The following SH3BP4 variants were observed in gnomAD, a reference collection of about 807,000 sequenced individuals.
SH3BP4 encodes SH3 domain-binding protein 4.
In SH3BP4, 33 loss-of-function variants were observed where a neutral mutation model predicts 65.5. That is an observed-to-expected ratio of 0.50 (90% CI 0.38 to 0.67). The LOEUF is 0.67. Ranked by LOEUF, SH3BP4 falls within the 30% of genes least tolerant of loss-of-function variation. The pLI is 0.00. For synonymous variants in SH3BP4, 552 were observed against 545.5 expected (o/e 1.01, Z -0.17); for missense variants, 1,134 against 1,261.4 (o/e 0.90, Z 1.53).
At chr2:235,024,592 C>T (rs1694941179) in intron 2 of SH3BP4, among the ~76,000 whole-genome samples, 2 of 152,148 alleles carry the variant, frequency 1.3e-5, no homozygotes. Context: ...TCAGATCCAG[C>T]ATTTTCATCA....
intron 2 of SH3BP4, among the ~76,000 whole-genome samples, chr2:235,027,217 G>T (rs551803101): frequency 6.6e-6 from 1 of 152,370 alleles, no homozygotes; most frequent in East Asian, 1.9e-4. Context: ...CAGACCAGTC[G>T]GATCAGGACT....
chr2:234,986,057 A>G (rs574911142), intron 1 of SH3BP4, among the ~76,000 whole-genome samples: 5 of 150,576 alleles, frequency 3.3e-5, no homozygotes, highest in African/African-American at 9.9e-5. Context: ...ATATACACCT[A>G]TGAGCTCAGG....
At chr2:235,012,145 C>A (rs559197487) in intron 2 of SH3BP4, among the ~76,000 whole-genome samples, 1 of 152,196 alleles carries the variant, frequency 6.6e-6, no homozygotes, top group Non-Finnish European at 1.5e-5. Flanking sequence ...TGTTACGGGG[C>A]GCTGACAGTG....
rs1201910769 is a variant in SH3BP4, at chr2:235,034,834, T to C, written c.-132-37T>C. The C allele has an allele frequency of 1.7e-6, 1 of 599,810 alleles. No homozygotes were observed. Among genetic ancestry groups the C allele is most frequent in the African/African-American group, 1.9e-5 (1 of 53,784 alleles). The allele number at this position is 599,810 out of a possible 1,614,324, so 37.2% of individuals were successfully genotyped here. On this transcript the variant is annotated intron_variant, in intron 2 of 5. Transcript: ENST00000392011. This position sits in a 1 kb window ranked among gnomAD's most constrained non-coding sequence, Gnocchi z 6.2. ...ATTACCATTGAACCCATGTTTCGCT[T>C]GCTTAAGGGACTTTTTTGTTCCTCC...
intron 1 of SH3BP4, among the ~76,000 whole-genome samples, chr2:234,955,418 G>C (rs1388343670): frequency 1.3e-5 from 2 of 152,120 alleles, no homozygotes; most frequent in African/African-American, 4.8e-5. Flanking sequence ...GAACAATCCA[G>C]CTACTTGATT....
intron 2 of SH3BP4, among the ~76,000 whole-genome samples, chr2:235,003,658 C>T (rs928449702): frequency 2.6e-5 from 4 of 152,146 alleles, no homozygotes; most frequent in Admixed American, 1.3e-4. Context: ...ATCTGTAAAA[C>T]GGGAGTGAGA....
At chr2:235,036,395 A>C (rs1046721668) in intron 3 of SH3BP4, among the ~76,000 whole-genome samples, 4 of 152,164 alleles carry the variant, frequency 2.6e-5, no homozygotes, top group African/African-American at 9.7e-5. Flanking sequence ...TTGTGAGCAT[A>C]AATTGTGTGA....
chr2:235,042,502 C>T lies in SH3BP4; in HGVS notation c.1733C>T (p.Ser578Phe), dbSNP rs1695699509. 1 of 1,614,054 alleles carries T rather than the reference C, an allele frequency of 6.2e-7. No homozygotes were observed. The highest frequency in any genetic ancestry group is 8.5e-7 in the Non-Finnish European group (1 of 1,180,038). ...AGCCGCCTGATCTTCCCCATCACCT[C>T]CCAGAACCCCAACGAGCTCTCTGAC... is the stretch of plus-strand genomic sequence containing the variant. ...KVSRLIFPIT[S>F]QNPNELSDFT... Residue 578 changes from serine (S) to phenylalanine (F), a missense_variant, in exon 4 of 6, where the codon TCC becomes TTC. By Grantham distance (155) the Ser-to-Phe change is radical. Transcript: ENST00000392011. This position sits in a 1 kb window ranked among gnomAD's most constrained non-coding sequence, Gnocchi z 7.3.
chr2:234,961,379 C>T (rs1692711533), intron 1 of SH3BP4, among the ~76,000 whole-genome samples: 1 of 152,162 alleles, frequency 6.6e-6, no homozygotes, highest in African/African-American at 2.4e-5. Flanking sequence ...TGAAGTGATT[C>T]TCCTGCTTCA....
chr2:235,039,445 A>G (rs981579036), intron 3 of SH3BP4, among the ~76,000 whole-genome samples: 1 of 151,964 alleles, frequency 6.6e-6, no homozygotes, highest in Non-Finnish European at 1.5e-5. Flanking sequence ...TTAACTAAAA[A>G]CGGATTCCTT....
chr2:234,986,079 G>C (rs1343048220), intron 1 of SH3BP4, among the ~76,000 whole-genome samples: 1 of 151,614 alleles, frequency 6.6e-6, no homozygotes, highest in East Asian at 1.9e-4. Flanking sequence ...TCCATGTGCA[G>C]GTGAACCAGC....
At chr2:235,028,634 G>A (rs1377399549) in intron 2 of SH3BP4, among the ~76,000 whole-genome samples, 1 of 152,216 alleles carries the variant, frequency 6.6e-6, no homozygotes, top group Admixed American at 6.5e-5. Flanking sequence ...ATGGTCTTAT[G>A]TCCTGGGAAT....
chr2:234,979,925 A>G (rs977620462), intron 1 of SH3BP4: 1 of 152,282 alleles, frequency 6.6e-6, no homozygotes, highest in African/African-American at 2.4e-5. Context: ...GAGGCCCTGA[A>G]GAAGAGAGTC....
At chr2:235,013,378 T>A (rs957471860) in intron 2 of SH3BP4, among the ~76,000 whole-genome samples, 1 of 152,210 alleles carries the variant, frequency 6.6e-6, no homozygotes, top group South Asian at 2.1e-4. Context: ...GGGCAGTCCA[T>A]GTGCTTCCCA....
Position 235,026,988 on chromosome 2 carries a change from T to C in SH3BP4, c.-132-7883T>C, listed in dbSNP as rs1026224485. Among the ~76,000 whole-genome samples, 2 of 152,214 alleles carry C rather than the reference T, an allele frequency of 1.3e-5. No individual in the cohort carries two copies. Among genetic ancestry groups the C allele is most frequent in the Non-Finnish European group, 2.9e-5 (2 of 68,030 alleles). On this transcript the variant is annotated intron_variant, in intron 2 of 5. Transcript: ENST00000392011. This position sits in a 1 kb window ranked among gnomAD's most constrained non-coding sequence, Gnocchi z 4.6. ...GAGATCAGGCACGTTCAGGGTGATA[T>C]GACGATAGACAGTGCTCCAGGAGCA...
At chr2:234,959,723 C>A (rs774719184) in intron 1 of SH3BP4, among the ~76,000 whole-genome samples, 3 of 150,362 alleles carry the variant, frequency 2.0e-5, no homozygotes, top group Non-Finnish European at 4.4e-5. Flanking sequence ...ACGATCTCGG[C>A]TGATTGCAAC....
rs1194989295 is a variant in SH3BP4 at position 234,972,809 on chromosome 2, G to C, written c.-207+20639G>C. ...ACGTTTGCTTGGGGAGCTTATTTCT[G>C]AACAGACTGCAGAGAGAAGTTCCTT... On this transcript the variant is annotated intron_variant, in intron 1 of 5. Coordinates refer to ENST00000392011, the MANE Select transcript of SH3BP4 (RefSeq NM_014521.3). 5.9e-5 allele frequency among the ~76,000 whole-genome samples: 9 copies of C among 152,292 alleles called. No individual in the cohort carries two copies. In the East Asian group the frequency reaches 1.7e-3, roughly 29 times the overall value.
intron 1 of SH3BP4, among the ~76,000 whole-genome samples, chr2:234,966,692 G>T (rs1285193848): frequency 2.0e-5 from 3 of 152,194 alleles, no homozygotes; most frequent in Non-Finnish European, 2.9e-5. Flanking sequence ...TTCACATTCT[G>T]CATTTGAGGA....
chr2:234,985,024 G>C (rs906528434), intron 1 of SH3BP4, among the ~76,000 whole-genome samples: 2 of 152,114 alleles, frequency 1.3e-5, no homozygotes, highest in South Asian at 2.1e-4. Flanking sequence ...CGGGGGCGTC[G>C]ACCCCAGGGC....
Sources: gnomAD v4.1 joint callset for allele counts (sites outside exome capture counted in the v4.1 genomes callset) on GRCh38, gnomAD v4.1.1 for gene constraint, Gnocchi (gnomAD v3.1) non-coding constraint, MANE v1.5 for transcripts, NCBI Gene and HGNC (gene_info 2026-07-23, HGNC 2026-07-21) for gene names.